The following TAFA5 variants were observed in gnomAD, a reference collection of about 807,000 sequenced individuals.
The protein encoded by TAFA5 is chemokine-like protein TAFA-5.
A neutral mutation model predicts 15.3 loss-of-function variants in TAFA5; 6 were observed. The ratio of observed to expected loss-of-function variants is 0.39; its 90% confidence interval spans 0.21 to 0.77. The LOEUF (loss-of-function observed/expected upper bound fraction) is 0.77, where lower values mean the gene tolerates loss of function less well. Ranked by LOEUF, TAFA5 falls within the 30% of genes least tolerant of loss-of-function variation. TAFA5 has a pLI of 0.41. For synonymous variants in TAFA5, 103 were observed against 80.7 expected (o/e 1.28, Z -1.48); for missense variants, 161 against 193.1 (o/e 0.83, Z 0.98).
At chr22:48,702,647 G>T (rs1928947231) in intron 2 of TAFA5, among the ~76,000 whole-genome samples, 2 of 152,206 alleles carry the variant, frequency 1.3e-5, no homozygotes, top group Non-Finnish European at 2.9e-5. Flanking sequence ...CCACGTTTCA[G>T]TCACCGTCAC....
At chr22:48,729,344 T>TAATA (rs1601702833) in intron 3 of TAFA5, among the ~76,000 whole-genome samples, 8 of 15,246 alleles carry the variant, frequency 5.2e-4, no homozygotes, top group African/African-American at 3.1e-3. Flanking sequence ...TGTAAATATA[T>TAATA]ATTTTTATAT....
intron 1 of TAFA5, among the ~76,000 whole-genome samples, chr22:48,619,271 G>A (rs530569680): frequency 1.3e-5 from 2 of 152,270 alleles, no homozygotes; most frequent in South Asian, 4.1e-4. Flanking sequence ...CTGTCCATGC[G>A]GGAAGGAGCC....
chr22:48,730,013 T>C (rs1929825057), intron 3 of TAFA5, among the ~76,000 whole-genome samples: 1 of 152,122 alleles, frequency 6.6e-6, no homozygotes, highest in South Asian at 2.1e-4. Context: ...GTGCATCCTC[T>C]GGTGTTAGTA....
chr22:48,551,662 G>A (rs1237956796), intron 1 of TAFA5, among the ~76,000 whole-genome samples: 1 of 152,156 alleles, frequency 6.6e-6, no homozygotes, highest in Admixed American at 6.5e-5. Flanking sequence ...CCTAAGGGGG[G>A]CAGGGTTCTG....
At chr22:48,508,561 C>G (rs1921094904) in intron 1 of TAFA5, among the ~76,000 whole-genome samples, 1 of 152,182 alleles carries the variant, frequency 6.6e-6, no homozygotes, top group Non-Finnish European at 1.5e-5. Context: ...CTGGAGACAG[C>G]CTGAGTGGGG....
intron 1 of TAFA5, among the ~76,000 whole-genome samples, chr22:48,575,827 C>T (rs1017042945): frequency 1.4e-5 from 2 of 143,024 alleles, no homozygotes; most frequent in East Asian, 4.2e-4. Context: ...GGTGCGGCAG[C>T]CCCGCGCCCG....
rs568429439 is a variant in TAFA5, at chr22:48,705,405, A to G, written c.263-2312A>G. Among the ~76,000 whole-genome samples, 119 of 152,212 alleles carry G rather than the reference A, an allele frequency of 7.8e-4. 1 individual carries two copies. The highest frequency in any genetic ancestry group is 3.4e-3 in the Middle Eastern group (1 of 294). ...TTGTCGGAACTGAGGACGAGAACCC[A>G]TTCATTCTGCCTGGGATGCTGTCCC... On this transcript the variant is annotated intron_variant, in intron 2 of 3. Coordinates refer to ENST00000402357, the MANE Select transcript of TAFA5 (RefSeq NM_001082967.3).
chr22:48,532,532 A>G (rs1180595810), intron 1 of TAFA5, among the ~76,000 whole-genome samples: 2 of 152,224 alleles, frequency 1.3e-5, no homozygotes, highest in Non-Finnish European at 2.9e-5. Flanking sequence ...GTCAACGATT[A>G]CGCACTGTCG....
chr22:48,739,832 C>T (rs77535259), intron 3 of TAFA5, among the ~76,000 whole-genome samples: 119 of 152,292 alleles, frequency 7.8e-4, no homozygotes, highest in Non-Finnish European at 1.3e-3. Context: ...AGCGCCTCCC[C>T]GTGCATTTGC....
In TAFA5 at chr22:48,703,272, A is replaced by G. The variant is rs537504019; in HGVS notation, c.263-4445A>G. Among the ~76,000 whole-genome samples the G allele has an allele frequency of 5.9e-5, 9 of 152,216 alleles. No homozygotes were observed. The East Asian group carries it at 1.5e-3, about 26-fold the overall frequency. ...TGGTGTGTGGCCAGGCATGGCAGCT[A>G]CAGCATAGGCAGGGCTGGAGCCACC... is the stretch of plus-strand genomic sequence containing the variant. On this transcript the variant is annotated intron_variant, in intron 2 of 3. Coordinates refer to ENST00000402357, the MANE Select transcript of TAFA5 (RefSeq NM_001082967.3).
At chr22:48,564,814 C>T (rs1923356235) in intron 1 of TAFA5, among the ~76,000 whole-genome samples, 1 of 152,216 alleles carries the variant, frequency 6.6e-6, no homozygotes, top group Non-Finnish European at 1.5e-5. Flanking sequence ...CGAGGCTCAG[C>T]TGACTATAAC....
At chr22:48,572,692 A>C (rs1216010794) in intron 1 of TAFA5, among the ~76,000 whole-genome samples, 1 of 152,206 alleles carries the variant, frequency 6.6e-6, no homozygotes, top group African/African-American at 2.4e-5. Flanking sequence ...CTGATGAAGA[A>C]GATCAATTAT....
At chr22:48,549,329 G>A (rs926325378) in intron 1 of TAFA5, among the ~76,000 whole-genome samples, 1 of 152,216 alleles carries the variant, frequency 6.6e-6, no homozygotes, top group African/African-American at 2.4e-5. Context: ...TAAATGCCCG[G>A]AACAATATGA....
chr22:48,602,667 T>C (rs1304892217), intron 1 of TAFA5, among the ~76,000 whole-genome samples: 1 of 152,234 alleles, frequency 6.6e-6, no homozygotes, highest in East Asian at 1.9e-4. Context: ...ACAGAGACGC[T>C]TGGCTCGCCG....
chr22:48,672,171 T>A (rs1927823734), intron 2 of TAFA5, among the ~76,000 whole-genome samples: 1 of 152,254 alleles, frequency 6.6e-6, no homozygotes, highest in African/African-American at 2.4e-5. Context: ...GCCTTTGTTC[T>A]TGGCTTGGTT....
intron 3 of TAFA5, among the ~76,000 whole-genome samples, chr22:48,712,921 G>A (rs1929296745): frequency 6.6e-6 from 1 of 152,242 alleles, no homozygotes; most frequent in Admixed American, 6.5e-5. Context: ...ACACAAGCAG[G>A]TCTTCTCTCC....
chr22:48,635,240 C>T (rs1488523156), intron 1 of TAFA5, among the ~76,000 whole-genome samples: 1 of 152,194 alleles, frequency 6.6e-6, no homozygotes, highest in Non-Finnish European at 1.5e-5. Flanking sequence ...GAGAGGTTGA[C>T]GTGTGCTCGG....
At chr22:48,579,178 C>T (rs1923938060) in intron 1 of TAFA5, among the ~76,000 whole-genome samples, 3 of 152,128 alleles carry the variant, frequency 2.0e-5, no homozygotes, top group African/African-American at 4.8e-5. Context: ...ATGAATAGGG[C>T]TGTGAACCGA....
chr22:48,737,227 C>T (rs1342175392), intron 3 of TAFA5, among the ~76,000 whole-genome samples: 1 of 152,204 alleles, frequency 6.6e-6, no homozygotes, highest in African/African-American at 2.4e-5. Flanking sequence ...GCCATTTGTC[C>T]TGAACGTGGA....
Sources: allele counts gnomAD v4.1 joint callset (sites outside exome capture counted in the v4.1 genomes callset), GRCh38; gene constraint gnomAD v4.1.1; transcripts MANE v1.5; gene names NCBI Gene and HGNC (gene_info 2026-07-23, HGNC 2026-07-21).